Variants in OR10H1 observed in about 807,000 individuals in gnomAD.
OR10H1 encodes olfactory receptor family 10 subfamily H member 1.
OR10H1 carries 12 observed loss-of-function variants against 13.1 expected under a neutral mutation model. That is an observed-to-expected ratio of 0.92 (90% CI 0.59 to 1.48). The LOEUF is 1.48. OR10H1 is among the 40% of genes most tolerant of loss of function. The probability of loss-of-function intolerance (pLI) is 0.00; values close to 1 mark genes in which losing one functional copy is unlikely to be tolerated. For missense variants in OR10H1, 363 were observed against 413.1 expected (o/e 0.88, Z 1.05); for synonymous variants, 168 against 175.6 (o/e 0.96, Z 0.34).
rs58838394 is a variant in OR10H1 at position 15,814,482 on chromosome 19, A to T, written c.-778+1073T>A. On this transcript the variant is annotated intron_variant, in intron 1 of 3. Coordinates refer to ENST00000641419, the MANE Select transcript of OR10H1 (RefSeq NM_013940.4). ...GTGTGTGTGTGTGTGTGTGTGTGTG[A>T]GAGAGAGAGAGAGAGAGAGAGAGAG... 7.0e-3 allele frequency among the ~76,000 whole-genome samples: 234 copies of T among 33,652 alleles called. 2 individuals are homozygous for T. Among genetic ancestry groups the T allele is most frequent in the African/African-American group, 0.019 (166 of 8,810 alleles). 22.1% of individuals were successfully genotyped at this position (33,652 alleles called of 152,430 possible).
Position 15,807,055 on chromosome 19 carries a change from AT to A in OR10H1, c.*25del, listed in dbSNP as rs745756098. ...TTTAACAATAGCCTTCGGTAATCCAATTTAGTTGTTCCCAGTGAATTTCTCC... is the reference window on the plus strand; with the variant it reads ...TTTAACAATAGCCTTCGGTAATCCAATTAGTTGTTCCCAGTGAATTTCTCC... On this transcript the variant is annotated 3_prime_UTR_variant, in exon 4 of 4. Coordinates refer to ENST00000641419, the MANE Select transcript of OR10H1 (RefSeq NM_013940.4). The A allele has an allele frequency of 6.3e-7, 1 of 1,589,424 alleles. No homozygotes were observed.
chr19:15,808,376 T>C (rs2088915264), intron 3 of OR10H1, among the ~76,000 whole-genome samples: 1 of 152,126 alleles, frequency 6.6e-6, no homozygotes, highest in Non-Finnish European at 1.5e-5. Flanking sequence ...TTTCTCTATG[T>C]TGCCCCCTGC....
chr19:15,815,340 CAAAAAAAAAA>C (rs10648172), intron 1 of OR10H1, among the ~76,000 whole-genome samples: 1 of 115,842 alleles, frequency 8.6e-6, no homozygotes, highest in African/African-American at 3.5e-5. Context: ...GATTCCGTCT[CAAAAAAAAAA>C]AAAAAAAAAT....
chr19:15,809,256 T>C (rs1293891275), intron 2 of OR10H1, among the ~76,000 whole-genome samples: 2 of 148,612 alleles, frequency 1.3e-5, no homozygotes, highest in Middle Eastern at 3.2e-3. Context: ...GGCTGTTGTG[T>C]AATGATTATT....
intron 2 of OR10H1, among the ~76,000 whole-genome samples, chr19:15,809,079 G>A (rs552010038): frequency 2.6e-5 from 4 of 152,142 alleles, no homozygotes; most frequent in South Asian, 2.1e-4. Flanking sequence ...ATGTAGGAAA[G>A]CAGAGGCAGG....
At chr19:15,809,968 C>A (rs532196335) in intron 2 of OR10H1, among the ~76,000 whole-genome samples, 40 of 152,124 alleles carry the variant, frequency 2.6e-4, no homozygotes, top group Admixed American at 5.9e-4. Flanking sequence ...AGGCATGCAC[C>A]ACCATGCTTA....
intron 1 of OR10H1, among the ~76,000 whole-genome samples, chr19:15,814,474 TGTGTGTGAGAGAGAGAGAGAGAGA>T (rs1475140253): frequency 3.2e-4 from 10 of 31,448 alleles, no homozygotes; most frequent in African/African-American, 1.1e-3. Context: ...TGTGTGTGTG[TGTGTGTGAGAGAGAGAGAGAGAGA>T]GAGAGAGAGA....
chr19:15,811,768 A>C (rs1334909950), intron 2 of OR10H1, among the ~76,000 whole-genome samples: 1 of 152,172 alleles, frequency 6.6e-6, no homozygotes, highest in Non-Finnish European at 1.5e-5. Context: ...ATTCCCAGTT[A>C]ATGGTAACAG....
chr19:15,808,547 A>G (rs2088916341), intron 3 of OR10H1, among the ~76,000 whole-genome samples, 178 bp downstream of exon 3: 1 of 152,120 alleles, frequency 6.6e-6, no homozygotes, highest in Non-Finnish European at 1.5e-5. Flanking sequence ...GCTAGACTCT[A>G]TCTCTTAAAG....
Position 15,812,375 on chromosome 19 carries a change from AAGG to A in OR10H1, c.-277_-275del, listed in dbSNP as rs71176790. The A allele has an allele frequency of 0.31, 29,674 of 95,206 alleles. 3,140 individuals are homozygous for A. The highest frequency in any genetic ancestry group is 0.43 in the African/African-American group (9,693 of 22,750). The allele number at this position is 95,206 out of a possible 1,614,324, so 5.9% of individuals were successfully genotyped here. On this transcript the variant is annotated 5_prime_UTR_variant, in exon 2 of 4. Coordinates refer to ENST00000641419, the MANE Select transcript of OR10H1 (RefSeq NM_013940.4). ...GGTGGGGGGAGAGAGAGAGAGAGAAAAGGAGGAGGAGGAGGAGGAGGAAAAGAA... is the reference window on the plus strand; with the variant it reads ...GGTGGGGGGAGAGAGAGAGAGAGAAAAGGAGGAGGAGGAGGAGGAAAAGAA...
Position 15,812,544 on chromosome 19 carries a change from AGT to A in OR10H1, c.-445_-444del, listed in dbSNP as rs1227929612. 7.8e-6 allele frequency: 1 copy of A among 127,432 alleles called. No homozygotes were observed. Among genetic ancestry groups the A allele is most frequent in the Admixed American group, 8.1e-5 (1 of 12,310 alleles). The allele number at this position is 127,432 out of a possible 1,614,324, so 7.9% of individuals were successfully genotyped here. Reference sequence around the variant, plus strand: ...AGGAACGAAGGAAGGAAGGAAGGAGAGTGAGGGAGGAAAGGAGGAGAGTGAGG... The same window carrying A: ...AGGAACGAAGGAAGGAAGGAAGGAGAGAGGGAGGAAAGGAGGAGAGTGAGG... On this transcript the variant is annotated 5_prime_UTR_variant, in exon 2 of 4. It removes the in-frame stop codon of an upstream open reading frame in the 5' UTR. Transcript: ENST00000641419.
chr19:15,807,621 C>T lies in OR10H1; in HGVS notation c.417G>A (p.Arg139=). 1 of 1,614,196 alleles carries T rather than the reference C, an allele frequency of 6.2e-7. No homozygotes were observed. The highest frequency in any genetic ancestry group is 1.3e-5 in the African/African-American group (1 of 75,052). Residue 139 remains arginine, a synonymous_variant, in exon 4 of 4, where the codon CGG becomes CGA. Coordinates refer to ENST00000641419, the MANE Select transcript of OR10H1 (RefSeq NM_013940.4). ...PLRYNVLMSP[R]GCACLVGCSW... The stretch of plus-strand genomic sequence containing the variant: ...AGCAGCCCACCAGGCAGGCGCAGCC[C>T]CGCGGGCTCATGAGCACGTTGTAGC...
chr19:15,804,572 G>C lies in OR10H1; in HGVS notation c.*2509C>G, dbSNP rs1037217160. ...CATGAACTCATCATTTTTTATGGCT[G>C]CATAGTATTCCATGGTGTATATGTG... On this transcript the variant is annotated 3_prime_UTR_variant, in exon 4 of 4. Coordinates refer to ENST00000641419, the MANE Select transcript of OR10H1 (RefSeq NM_013940.4). 12 of 152,088 alleles carry C rather than the reference G, an allele frequency of 7.9e-5. No individual in the cohort carries two copies. Among genetic ancestry groups the C allele is most frequent in the African/African-American group, 2.9e-4 (12 of 41,422 alleles). The allele number at this position is 152,088 out of a possible 1,614,324, so 9.4% of individuals were successfully genotyped here.
chr19:15,807,295 A>G lies in OR10H1; in HGVS notation c.743T>C (p.Val248Ala). The G allele has an allele frequency of 6.2e-7, 1 of 1,614,066 alleles. No individual in the cohort carries two copies. Among genetic ancestry groups the G allele is most frequent in the Non-Finnish European group, 8.5e-7 (1 of 1,179,950 alleles). ...AFSTCASHLTVVVVHYGFASV... is the reference protein window; with the variant it reads ...AFSTCASHLTAVVVHYGFASV... ...GGCAAAGCCATAGTGCACGACCACC[A>G]CAGTGAGGTGAGAGGCACAGGTGGA... is the stretch of plus-strand genomic sequence containing the variant. Residue 248 changes from valine (V) to alanine (A), a missense_variant, in exon 4 of 4, where the codon GTG becomes GCG. Val to Ala is a moderately conservative substitution (Grantham distance 64). This residue lies in a region of OR10H1 where 318 missense variants were observed against 366.6 expected (regional missense o/e 0.87). Coordinates refer to ENST00000641419, the MANE Select transcript of OR10H1 (RefSeq NM_013940.4).
At chr19:15,811,708 C>A (rs895477921) in intron 2 of OR10H1, among the ~76,000 whole-genome samples, 2 of 152,176 alleles carry the variant, frequency 1.3e-5, no homozygotes, top group African/African-American at 4.8e-5. Context: ...CTGGATATTT[C>A]TTCCCAAGGC....
intron 2 of OR10H1, among the ~76,000 whole-genome samples, chr19:15,811,690 C>T (rs2088933148): frequency 6.6e-6 from 1 of 152,132 alleles, no homozygotes; most frequent in African/African-American, 2.4e-5. Context: ...CTCTTCCATG[C>T]AGTCCTCCTG....
At chr19:15,811,950 C>T (rs888958011) in intron 2 of OR10H1, among the ~76,000 whole-genome samples, 1 of 152,180 alleles carries the variant, frequency 6.6e-6, no homozygotes, top group Non-Finnish European at 1.5e-5. Flanking sequence ...AGCACCAGTG[C>T]TGTGTACTCA....
rs1447293443 is a variant in OR10H1 at position 15,812,770 on chromosome 19, T to C, written c.-669A>G. 2 of 134,946 alleles carry C rather than the reference T, an allele frequency of 1.5e-5. No individual in the cohort carries two copies. Among genetic ancestry groups the C allele is most frequent in the African/African-American group, 6.1e-5 (2 of 32,776 alleles). 8.4% of individuals were successfully genotyped at this position (134,946 alleles called of 1,614,324 possible). A position where few individuals can be genotyped will look rare whatever the true frequency, so the allele number is the denominator to read the frequency against. ...GAAGGAAGGGAGGGAGGGAGAAACC[T>C]TGAGAGGACAGGAGCCGATCACGTC... is the stretch of plus-strand genomic sequence containing the variant. On this transcript the variant is annotated 5_prime_UTR_variant, in exon 2 of 4. Transcript: ENST00000641419.
intron 1 of OR10H1, among the ~76,000 whole-genome samples, chr19:15,814,091 G>C (rs377344653): frequency 1.3e-5 from 2 of 151,970 alleles, no homozygotes; most frequent in South Asian, 4.1e-4. Context: ...CGCTAGGGGC[G>C]AATCATTCTC....
Sources: gnomAD v4.1 joint callset for allele counts (sites outside exome capture counted in the v4.1 genomes callset) on GRCh38, gnomAD v4.1.1 for gene constraint, gnomAD v4.1.1 regional missense constraint, MANE v1.5 for transcripts, NCBI Gene and HGNC (gene_info 2026-07-23, HGNC 2026-07-21) for gene names.